The following ATRNL1 variants were observed in gnomAD, a reference collection of about 807,000 sequenced individuals.
ATRNL1 encodes attractin like 1, also known as attractin-like protein 1.
Under a neutral mutation model 182.7 loss-of-function variants are expected in ATRNL1, and 95 were observed. That is an observed-to-expected ratio of 0.52 (90% confidence interval 0.44 to 0.62). The LOEUF (loss-of-function observed/expected upper bound fraction) is 0.62, where lower values mean the gene tolerates loss of function less well. Among genes scored for constraint, ATRNL1 ranks in the 20% least tolerant of loss-of-function variants. The pLI, the probability that ATRNL1 is intolerant of heterozygous loss-of-function variation, is 0.00. For missense variants in ATRNL1, 1,471 were observed against 1,679.5 expected (o/e 0.88, Z 2.17); for synonymous variants, 576 against 568.3 (o/e 1.01, Z -0.19).
chr10:115,806,358 C>T (rs11197453), intron 27 of ATRNL1, among the ~76,000 whole-genome samples: 30,673 of 151,992 alleles, frequency 0.2, 3,502 homozygotes, highest in South Asian at 0.29. Flanking sequence ...GTTACTGAGC[C>T]AGACTTTGCT....
At chr10:115,749,890 C>T (rs920361067) in intron 27 of ATRNL1, among the ~76,000 whole-genome samples, 7 of 151,932 alleles carry the variant, frequency 4.6e-5, no homozygotes, top group Non-Finnish European at 8.8e-5. Flanking sequence ...TCAAGTTTCT[C>T]ATTTGTAAAG....
chr10:115,344,363 C>A (rs1855884555), intron 19 of ATRNL1, among the ~76,000 whole-genome samples: 1 of 152,196 alleles, frequency 6.6e-6, no homozygotes, highest in African/African-American at 2.4e-5. Context: ...CCTTCCCACT[C>A]TTCCCTCCCT....
chr10:115,312,751 A>G (rs1312634559), intron 17 of ATRNL1, among the ~76,000 whole-genome samples: 5 of 152,226 alleles, frequency 3.3e-5, no homozygotes, highest in Admixed American at 2.0e-4. Flanking sequence ...AGTGATTGTT[A>G]GGTTTGGCTG....
At chr10:115,819,277 A>C (rs1555089512) in intron 27 of ATRNL1, among the ~76,000 whole-genome samples, 1 of 152,078 alleles carries the variant, frequency 6.6e-6, no homozygotes, top group Non-Finnish European at 1.5e-5. Context: ...AATTGAACTC[A>C]TTAACTTTAA....
chr10:115,590,031 A>G (rs991600042), intron 26 of ATRNL1, among the ~76,000 whole-genome samples: 4 of 152,200 alleles, frequency 2.6e-5, no homozygotes, highest in Admixed American at 2.6e-4. Flanking sequence ...TCACAATGTA[A>G]AATATACTGT....
intron 1 of ATRNL1, among the ~76,000 whole-genome samples, chr10:115,118,649 T>C (rs1844594900): frequency 6.6e-6 from 1 of 152,130 alleles, no homozygotes. Context: ...TGTGGGTTAT[T>C]GCTTCCAACT....
chr10:115,895,832 G>T (rs972370855), intron 28 of ATRNL1, among the ~76,000 whole-genome samples: 1 of 152,224 alleles, frequency 6.6e-6, no homozygotes, highest in Non-Finnish European at 1.5e-5. Flanking sequence ...CGGAGCTGAT[G>T]CTTGAACTGG....
intron 13 of ATRNL1, among the ~76,000 whole-genome samples, chr10:115,280,136 T>C (rs1267236927): frequency 2.6e-5 from 4 of 152,188 alleles, no homozygotes; most frequent in Non-Finnish European, 5.9e-5. Flanking sequence ...AAATCCCTCA[T>C]AGGTTTTGAC....
chr10:115,363,209 C>T (rs1388580529), intron 19 of ATRNL1, among the ~76,000 whole-genome samples: 4 of 151,526 alleles, frequency 2.6e-5, no homozygotes, highest in African/African-American at 7.3e-5. Context: ...TAATGATCGC[C>T]ATTCTAAATG....
chr10:115,835,835 C>T (rs1240193576), intron 27 of ATRNL1, among the ~76,000 whole-genome samples: 2 of 152,154 alleles, frequency 1.3e-5, no homozygotes, highest in East Asian at 3.9e-4. Flanking sequence ...AGCCTCCATC[C>T]ATGGATAGGT....
chr10:115,203,348 A>G (rs551753189), intron 8 of ATRNL1, among the ~76,000 whole-genome samples: 5 of 152,232 alleles, frequency 3.3e-5, no homozygotes, highest in Non-Finnish European at 5.9e-5. Context: ...GACATCTACA[A>G]TGACTTCTTA....
chr10:115,794,582 C>A (rs1949606259), intron 27 of ATRNL1, among the ~76,000 whole-genome samples: 1 of 151,984 alleles, frequency 6.6e-6, no homozygotes, highest in Non-Finnish European at 1.5e-5. Context: ...TTTAGAATGT[C>A]CCTCAATTTG....
At chr10:115,102,230 C>T (rs1554864729) in intron 1 of ATRNL1, among the ~76,000 whole-genome samples, 1 of 152,100 alleles carries the variant, frequency 6.6e-6, no homozygotes, top group African/African-American at 2.4e-5. Context: ...TAAACTGAGC[C>T]TTTATCGTTA....
chr10:115,829,632 G>A (rs1462458691), intron 27 of ATRNL1, among the ~76,000 whole-genome samples: 1 of 151,630 alleles, frequency 6.6e-6, no homozygotes, highest in Non-Finnish European at 1.5e-5. Context: ...GCCAAAAAAA[G>A]ATATACCCTT....
chr10:115,106,137 C>T (rs1374979512), intron 1 of ATRNL1, among the ~76,000 whole-genome samples: 2 of 152,206 alleles, frequency 1.3e-5, no homozygotes, highest in Non-Finnish European at 2.9e-5. Flanking sequence ...GGGAACCCAC[C>T]TCTTGCATCA....
chr10:115,728,252 G>A (rs1483514599), intron 27 of ATRNL1, among the ~76,000 whole-genome samples: 1 of 127,862 alleles, frequency 7.8e-6, no homozygotes, highest in Non-Finnish European at 1.6e-5. Flanking sequence ...CCGAGATCCT[G>A]CCACTGCACT....
intron 21 of ATRNL1, among the ~76,000 whole-genome samples, chr10:115,449,897 A>G (rs1554967335): frequency 6.6e-6 from 1 of 152,148 alleles, no homozygotes; most frequent in Non-Finnish European, 1.5e-5. Flanking sequence ...AAAATCCCCA[A>G]CAAAATACTT....
intron 8 of ATRNL1, among the ~76,000 whole-genome samples, chr10:115,211,872 CT>C (rs1377555464): frequency 1.3e-5 from 2 of 151,212 alleles, no homozygotes; most frequent in African/African-American, 4.9e-5. Flanking sequence ...AGCCCCATTT[CT>C]TTTTCTTCTC....
intron 22 of ATRNL1, 148 bp downstream of exon 22, chr10:115,462,183 ATT>A (rs747163030): frequency 9.1e-5 from 45 of 496,780 alleles, no homozygotes; most frequent in Non-Finnish European, 1.4e-4. Context: ...TCTCTTCGTG[ATT>A]CAATAATTTG....
Sources: gnomAD v4.1 joint callset for allele counts (sites outside exome capture counted in the v4.1 genomes callset) on GRCh38, gnomAD v4.1.1 for gene constraint, MANE v1.5 for transcripts, NCBI Gene and HGNC (gene_info 2026-07-23, HGNC 2026-07-21) for gene names.